Variants in MIS18A observed in about 807,000 individuals in gnomAD.
MIS18A encodes protein Mis18-alpha.
A neutral mutation model predicts 25.0 loss-of-function variants in MIS18A; 14 were observed. That is an observed-to-expected ratio of 0.56 (90% CI 0.37 to 0.88). The LOEUF (loss-of-function observed/expected upper bound fraction) is 0.88, where lower values mean the gene tolerates loss of function less well. Ranked by LOEUF, MIS18A falls within the 40% of genes least tolerant of loss-of-function variation. The probability of loss-of-function intolerance (pLI) is 0.00; values close to 1 mark genes in which losing one functional copy is unlikely to be tolerated. For synonymous variants in MIS18A, 134 were observed against 118.6 expected (o/e 1.13, Z -0.84); for missense variants, 292 against 290.8 (o/e 1.00, Z -0.03).
At chr21:32,215,633 T>C in the MIS18A span, among the ~76,000 whole-genome samples, 5 of 152,144 alleles carry the variant, frequency 3.3e-5, no homozygotes, top group African/African-American at 1.2e-4. Flanking sequence ...AACATAGGTA[T>C]CTTCTTTTTG....
chr21:32,193,010 C>T, the MIS18A span, among the ~76,000 whole-genome samples: 3 of 152,188 alleles, frequency 2.0e-5, no homozygotes, highest in African/African-American at 7.2e-5. Flanking sequence ...GGAAAACAGA[C>T]GGTCAACACT....
the MIS18A span, among the ~76,000 whole-genome samples, chr21:32,229,207 G>A: frequency 6.6e-6 from 1 of 152,300 alleles, no homozygotes; most frequent in African/African-American, 2.4e-5. Flanking sequence ...ATAAATAAGA[G>A]AATGGAAATA....
the MIS18A span, among the ~76,000 whole-genome samples, chr21:32,253,994 T>C: frequency 1.3e-5 from 2 of 152,188 alleles, no homozygotes; most frequent in Non-Finnish European, 2.9e-5. Flanking sequence ...TCCAGCACTT[T>C]GGGAGACCAA....
At chr21:32,278,020 T>C (rs1425851718) in intron 1 of MIS18A, 3 of 152,198 alleles carry the variant, frequency 2.0e-5, no homozygotes, top group Non-Finnish European at 4.4e-5. Flanking sequence ...ATAAAAAATA[T>C]GTGAACCACT....
the MIS18A span, among the ~76,000 whole-genome samples, chr21:32,157,310 C>G: frequency 1.4e-5 from 2 of 143,050 alleles, no homozygotes; most frequent in South Asian, 4.6e-4. Flanking sequence ...ACTTAGTGAT[C>G]CACCTTCCTC....
chr21:32,162,418 C>G, the MIS18A span, among the ~76,000 whole-genome samples: 1 of 152,332 alleles, frequency 6.6e-6, no homozygotes, highest in Non-Finnish European at 1.5e-5. Context: ...CCTCTCCCAT[C>G]TCTTGCCCCT....
the MIS18A span, among the ~76,000 whole-genome samples, chr21:32,250,127 G>A: frequency 6.6e-6 from 1 of 152,040 alleles, no homozygotes; most frequent in Non-Finnish European, 1.5e-5. Context: ...AGCAGTGTGG[G>A]TGTCACCAGC....
At chr21:32,264,995 G>A (rs904131885), downstream of MIS18A, among the ~76,000 whole-genome samples, 7 of 152,180 alleles carry the variant, frequency 4.6e-5, no homozygotes, top group African/African-American at 1.2e-4. Flanking sequence ...TTTAAAGGCC[G>A]CATACCAGGT....
At chr21:32,171,045 G>T in the MIS18A span, among the ~76,000 whole-genome samples, 1 of 152,050 alleles carries the variant, frequency 6.6e-6, no homozygotes, top group Non-Finnish European at 1.5e-5. Flanking sequence ...AATGACGAAA[G>T]ACTGAATGCT....
At chr21:32,206,369 C>A in the MIS18A span, among the ~76,000 whole-genome samples, 6 of 152,184 alleles carry the variant, frequency 3.9e-5, no homozygotes, top group African/African-American at 7.2e-5. Context: ...CTTCTACAGT[C>A]TCTTTGTATA....
the MIS18A span, among the ~76,000 whole-genome samples, chr21:32,187,296 A>G: frequency 6.6e-6 from 1 of 152,090 alleles, no homozygotes; most frequent in Non-Finnish European, 1.5e-5. Flanking sequence ...AACTTAGGAC[A>G]TTTGCCTCCT....
Position 32,268,544 on chromosome 21 carries a change from C to A in MIS18A, c.*493G>T, listed in dbSNP as rs1216395898. 1 of 152,168 alleles carries A rather than the reference C, an allele frequency of 6.6e-6. No individual in the cohort carries two copies. The highest frequency in any genetic ancestry group is 1.9e-4 in the East Asian group (1 of 5,200). The allele number at this position is 152,168 out of a possible 1,614,324, so 9.4% of individuals were successfully genotyped here. On this transcript the variant is annotated 3_prime_UTR_variant, in exon 5 of 5. Transcript: ENST00000290130. The stretch of plus-strand genomic sequence containing the variant: ...TTCCATGACACTGTGGGTAGACAAA[C>A]CTCTAAGATTTTTCTTATCATTTAT...
the MIS18A span, among the ~76,000 whole-genome samples, chr21:32,258,676 C>T: frequency 4.9e-4 from 75 of 152,116 alleles, no homozygotes; most frequent in African/African-American, 1.7e-3. Context: ...CCAAAACGCA[C>T]CAACATATAA....
the MIS18A span, among the ~76,000 whole-genome samples, chr21:32,227,886 G>T: frequency 6.6e-6 from 1 of 152,088 alleles, no homozygotes; most frequent in Admixed American, 6.6e-5. Context: ...ATGCAATATG[G>T]ATTCAACATA....
At chr21:32,211,366 G>A in the MIS18A span, among the ~76,000 whole-genome samples, 1 of 152,204 alleles carries the variant, frequency 6.6e-6, no homozygotes, top group Non-Finnish European at 1.5e-5. Context: ...TTGGAGAAAG[G>A]AGGAAAGGGG....
At chr21:32,208,986 T>G in the MIS18A span, among the ~76,000 whole-genome samples, 2 of 152,244 alleles carry the variant, frequency 1.3e-5, no homozygotes, top group Non-Finnish European at 2.9e-5. Flanking sequence ...AACTCTCTCC[T>G]GAGATCAAAA....
At chr21:32,174,765 A>G in the MIS18A span, among the ~76,000 whole-genome samples, 2 of 97,734 alleles carry the variant, frequency 2.0e-5, no homozygotes, top group African/African-American at 5.3e-5. Flanking sequence ...TGATTAGCCA[A>G]CTTCACAAGT....
At chr21:32,194,664 T>TAA in the MIS18A span, among the ~76,000 whole-genome samples, 33,852 of 145,792 alleles carry the variant, frequency 0.23, 3,945 homozygotes, top group South Asian at 0.29. Context: ...CGTCTCGAAT[T>TAA]AAAAAAAAAA....
chr21:32,166,382 C>A, the MIS18A span, among the ~76,000 whole-genome samples: 1 of 152,184 alleles, frequency 6.6e-6, no homozygotes, highest in Non-Finnish European at 1.5e-5. Context: ...AAATACCATT[C>A]TCTGACAAAA....
Sources: allele counts gnomAD v4.1 joint callset (sites outside exome capture counted in the v4.1 genomes callset), GRCh38; gene constraint gnomAD v4.1.1; transcripts MANE v1.5; gene names NCBI Gene and HGNC (gene_info 2026-07-23, HGNC 2026-07-21).